The following DMD variants were observed in gnomAD, a reference collection of about 807,000 sequenced individuals.
DMD encodes dystrophin.
Under a neutral mutation model 330.1 loss-of-function variants are expected in DMD, and 63 were observed. That is an observed-to-expected ratio of 0.19 (90% CI 0.16 to 0.24). The LOEUF (loss-of-function observed/expected upper bound fraction) is 0.24. Among genes scored for constraint, DMD ranks in the 10% least tolerant of loss-of-function variants. The pLI is 1.00. For missense variants in DMD, 3,344 were observed against 2,684.1 expected, an observed-to-expected ratio of 1.25 and a Z score of -5.43; for synonymous variants, 1,223 against 959.8, an observed-to-expected ratio of 1.27 and a Z score of -5.07.
intron 59 of DMD, among the ~76,000 whole-genome samples, chrX:31,468,912 A>T (rs1451831184): frequency 9.0e-6 from 1 of 111,623 alleles, no homozygotes; most frequent in Non-Finnish European, 1.9e-5. Flanking sequence ...CTTTACCATT[A>T]TGTAATACCA....
chrX:31,744,886 T>C (rs1353115670), intron 51 of DMD, among the ~76,000 whole-genome samples: 1 of 112,213 alleles, frequency 8.9e-6, no homozygotes, highest in African/African-American at 3.2e-5. Context: ...ATGGATGACA[T>C]GAAAGAGACT....
At chrX:33,314,358 A>G (rs1001484985) in intron 1 of DMD, among the ~76,000 whole-genome samples, 3 of 108,755 alleles carry the variant, frequency 2.8e-5, no homozygotes, top group Admixed American at 2.0e-4. Context: ...CCCAGGCCCA[A>G]GCAATTCTGA....
chrX:32,261,155 C>A (rs2097321891), intron 43 of DMD, among the ~76,000 whole-genome samples: 1 of 112,046 alleles, frequency 8.9e-6, no homozygotes, highest in South Asian at 3.7e-4. Context: ...AGCAGCCAAG[C>A]AAAACATATC....
At chrX:32,404,388 C>G (rs967803664) in intron 30 of DMD, among the ~76,000 whole-genome samples, 8 of 111,385 alleles carry the variant, frequency 7.2e-5, no homozygotes, top group Non-Finnish European at 1.5e-4. Context: ...ATGAGGCACT[C>G]TTCTTTGAAG....
At chrX:31,510,934 T>C (rs1323524854) in intron 55 of DMD, among the ~76,000 whole-genome samples, 3 of 111,934 alleles carry the variant, frequency 2.7e-5, no homozygotes, top group Non-Finnish European at 5.6e-5. Flanking sequence ...AATTCTGCCA[T>C]CAGTAATTCA....
intron 2 of DMD, among the ~76,000 whole-genome samples, chrX:32,930,110 T>TA (rs761072069): frequency 9.0e-6 from 1 of 111,486 alleles, no homozygotes; most frequent in South Asian, 3.7e-4. Context: ...TTAGAACACT[T>TA]ACGTTAGCCT....
intron 1 of DMD, among the ~76,000 whole-genome samples, chrX:33,069,315 T>TAC: frequency 9.0e-6 from 1 of 111,177 alleles, no homozygotes; most frequent in South Asian, 3.8e-4. Flanking sequence ...GGTAAGGGGG[T>TAC]ACTTTGCAAG....
At chrX:31,816,822 A>ACACACACACACACACAC (rs1193495862) in intron 50 of DMD, among the ~76,000 whole-genome samples, 4 of 110,111 alleles carry the variant, frequency 3.6e-5, no homozygotes, top group East Asian at 2.8e-4. Context: ...ACACACACAC[A>ACACACACACACACACAC]AAGAAAAAAG....
chrX:32,479,683 A>G (rs1011402450), intron 21 of DMD, among the ~76,000 whole-genome samples: 3 of 109,634 alleles, frequency 2.7e-5, no homozygotes, highest in Non-Finnish European at 5.7e-5. Flanking sequence ...GAATATATTT[A>G]TCACTATATA....
intron 63 of DMD, among the ~76,000 whole-genome samples, chrX:31,243,757 A>C (rs2048575596): frequency 8.9e-6 from 1 of 112,734 alleles, no homozygotes; most frequent in Non-Finnish European, 1.9e-5. Context: ...AGTTTCAGGC[A>C]GTGCATTCCA....
Position 31,348,557 on chromosome X carries a change from G to A in DMD, c.9162C>T (p.Ser3054=). The change falls in exon 61 of 79, where the codon TCC becomes TCT. Residue 3054 remains serine (S), a splice_region_variant and synonymous_variant. Transcript: ENST00000357033. ...DFGPASQHFL[S]TSVQGPWERA... ...TGATAAAAGCTGAAAATGACTTACT[G>A]GAAAGAAAGTGCTGAGATGCTGGAC... is the stretch of plus-strand genomic sequence containing the variant. The A allele has an allele frequency of 8.3e-7, 1 of 1,208,517 alleles. No individual in the cohort carries two copies. Among genetic ancestry groups the A allele is most frequent in the Non-Finnish European group, 1.1e-6 (1 of 892,824 alleles).
chrX:32,437,466 C>A (rs774973559), intron 29 of DMD, among the ~76,000 whole-genome samples: 6 of 111,825 alleles, frequency 5.4e-5, no homozygotes, highest in South Asian at 3.7e-4. Context: ...AGTTACTACC[C>A]CCCCTTATTC....
rs185827501 is a variant in DMD, at chrX:32,480,239, T to C, written c.2803+4680A>G. On this transcript the variant is annotated intron_variant, in intron 21 of 78. Transcript: ENST00000357033. ...TTACACATGTTAAAATTAGAACGGC[T>C]ACTTTCAAAATGATGAAAGATAAAT... 2.1e-4 allele frequency among the ~76,000 whole-genome samples: 23 copies of C among 112,054 alleles called. No homozygotes were observed. In the Admixed American group the frequency reaches 2.1e-3, roughly 10 times the overall value.
At chrX:32,825,334 A>T (rs937110273) in intron 4 of DMD, among the ~76,000 whole-genome samples, 2 of 111,093 alleles carry the variant, frequency 1.8e-5, no homozygotes, top group African/African-American at 6.6e-5. Context: ...GTAAGCAGGA[A>T]GATAGTTCCT....
chrX:32,435,864 G>A (rs781346629), intron 29 of DMD, among the ~76,000 whole-genome samples: 1 of 111,505 alleles, frequency 9.0e-6, no homozygotes, highest in East Asian at 2.8e-4. Flanking sequence ...ATTGAGGATG[G>A]GTGGCAAATC....
chrX:32,386,558 G>T, intron 32 of DMD, 93 bp from the exon 33 acceptor site: 1 of 805,871 alleles, frequency 1.2e-6, no homozygotes, highest in Non-Finnish European at 1.8e-6. Context: ...CCCCTTAATT[G>T]CTATTCCATG....
chrX:31,819,984 T>A lies in DMD; in HGVS notation c.7300A>T (p.Ile2434Phe). Residue 2434 changes from isoleucine to phenylalanine, a missense_variant, in exon 50 of 79, where the codon ATT becomes TTT. Ile to Phe is a conservative substitution (Grantham distance 21). Transcript: ENST00000357033. Reference protein sequence around the residue: ...QPDLAPGLTTIGASPTQTVTL... With the variant: ...QPDLAPGLTTFGASPTQTVTL... Reference sequence around the variant, plus strand: ...GATCCAGTATACTTACAGGCTCCAATAGTGGTCAGTCCAGGAGCTAGGTCA... The same window carrying A: ...GATCCAGTATACTTACAGGCTCCAAAAGTGGTCAGTCCAGGAGCTAGGTCA... 3 of 1,208,132 alleles carry A rather than the reference T, an allele frequency of 2.5e-6. No homozygotes were observed. The highest frequency in any genetic ancestry group is 3.4e-6 in the Non-Finnish European group (3 of 891,954).
At chrX:32,862,798 G>A (rs763937423) in intron 2 of DMD, among the ~76,000 whole-genome samples, 31 of 111,105 alleles carry the variant, frequency 2.8e-4, no homozygotes, top group African/African-American at 1.6e-4. Flanking sequence ...GTGTAGTGGC[G>A]TGATCTTGGC....
chrX:32,147,030 C>T (rs909401928), intron 44 of DMD, among the ~76,000 whole-genome samples: 10 of 111,741 alleles, frequency 8.9e-5, no homozygotes, highest in African/African-American at 2.9e-4. Context: ...AATAAATTAT[C>T]GTTTAATTTT....
Sources: gnomAD v4.1 joint callset for allele counts (sites outside exome capture counted in the v4.1 genomes callset) on GRCh38, gnomAD v4.1.1 for gene constraint, MANE v1.5 for transcripts, NCBI Gene and HGNC (gene_info 2026-07-23, HGNC 2026-07-21) for gene names.